Variants in CPVL observed in about 807,000 individuals in gnomAD.
CPVL encodes probable serine carboxypeptidase CPVL.
CPVL carries 51 observed loss-of-function variants against 63.7 expected under a neutral mutation model. That is an observed-to-expected ratio of 0.80 (90% confidence interval 0.64 to 1.01). CPVL has a LOEUF of 1.01. Among genes scored for constraint, CPVL ranks in the 50% least tolerant of loss-of-function variants. CPVL has a pLI of 0.00. For synonymous variants in CPVL, 195 were observed against 206.0 expected (o/e 0.95, Z 0.46); for missense variants, 530 against 573.1 (o/e 0.92, Z 0.77).
intron 1 of CPVL, among the ~76,000 whole-genome samples, chr7:29,129,432 A>AC (rs1790439743): frequency 6.6e-6 from 1 of 151,746 alleles, no homozygotes; most frequent in South Asian, 2.1e-4. Flanking sequence ...GTCTTTGCAG[A>AC]CGTAGTAAGG....
intron 5 of CPVL, among the ~76,000 whole-genome samples, chr7:29,163,763 T>A (rs571783254): frequency 1.1e-3 from 161 of 152,350 alleles, no homozygotes; most frequent in Non-Finnish European, 1.8e-3. Flanking sequence ...CTTGCATTTT[T>A]AAAATTTTTA....
chr7:29,104,533 T>C (rs963478989), intron 3 of CPVL, among the ~76,000 whole-genome samples: 10 of 152,356 alleles, frequency 6.6e-5, no homozygotes, highest in Admixed American at 2.0e-4. Flanking sequence ...CGTACTGGGA[T>C]TATAGGCATG....
intron 1 of CPVL, among the ~76,000 whole-genome samples, chr7:29,189,956 G>T (rs1265668411): frequency 1.3e-5 from 2 of 152,186 alleles, no homozygotes; most frequent in African/African-American, 4.8e-5. Context: ...GCCTCCCTTT[G>T]TCTGCACCCC....
chr7:29,048,955 T>C (rs1789889225), intron 11 of CPVL, among the ~76,000 whole-genome samples: 1 of 151,984 alleles, frequency 6.6e-6, no homozygotes, highest in Non-Finnish European at 1.5e-5. Flanking sequence ...ATTTAAAAGT[T>C]CTTCAAGCTG....
intron 1 of CPVL, chr7:29,193,280 C>T (rs1242716027): frequency 1.3e-5 from 2 of 151,820 alleles, no homozygotes; most frequent in Non-Finnish European, 2.9e-5. Context: ...AAGTTCTAAT[C>T]AACTAGAAAA....
intron 12 of CPVL, among the ~76,000 whole-genome samples, chr7:29,028,202 C>A (rs563479268): frequency 1.6e-4 from 25 of 152,278 alleles, no homozygotes; most frequent in African/African-American, 6.0e-4. Context: ...GGAAAGGACA[C>A]CCTCTTCAAT....
intron 4 of CPVL, 66 bp downstream of exon 4, chr7:29,096,037 G>A (rs1786368570): frequency 2.4e-6 from 3 of 1,248,910 alleles, no homozygotes; most frequent in South Asian, 1.2e-5. Flanking sequence ...CTCTAAATTA[G>A]TTTTGGAGCA....
intron 12 of CPVL, chr7:29,012,907 C>G (rs608019): frequency 0.45 from 68,273 of 152,010 alleles, 17,655 homozygotes; most frequent in African/African-American, 0.72. Flanking sequence ...AGGGTATCTA[C>G]AGAGCAGGTG....
chr7:29,111,014 C>A (rs1043108517), intron 3 of CPVL, among the ~76,000 whole-genome samples: 1 of 152,222 alleles, frequency 6.6e-6, no homozygotes, highest in Non-Finnish European at 1.5e-5. Flanking sequence ...CCCTTAGAGC[C>A]TCCAGAAGTA....
At chr7:29,029,165 T>A (rs916987890) in intron 12 of CPVL, among the ~76,000 whole-genome samples, 1 of 151,952 alleles carries the variant, frequency 6.6e-6, no homozygotes, top group Non-Finnish European at 1.5e-5. Context: ...CAGATGCTGA[T>A]GAGGATGCAG....
At chr7:29,146,312 C>A in intron 1 of CPVL, 117 bp downstream of exon 1, 1 of 419,868 alleles carries the variant, frequency 2.4e-6, no homozygotes, top group Non-Finnish European at 4.2e-6. Flanking sequence ...GCTTTCTCCC[C>A]TGTTGGTGCT....
chr7:29,050,273 G>A (rs1180448914), intron 11 of CPVL, among the ~76,000 whole-genome samples: 1 of 152,052 alleles, frequency 6.6e-6, no homozygotes, highest in Non-Finnish European at 1.5e-5. Context: ...CCTCCAGAAA[G>A]CTCCTAGAAC....
intron 11 of CPVL, among the ~76,000 whole-genome samples, chr7:29,048,062 T>C (rs1584095871): frequency 1.3e-5 from 2 of 151,880 alleles, no homozygotes; most frequent in East Asian, 3.9e-4. Context: ...TTGAAACAAA[T>C]CCTGGAAACA....
intron 5 of CPVL, among the ~76,000 whole-genome samples, chr7:29,155,696 A>T (rs1043743735): frequency 6.6e-6 from 1 of 152,144 alleles, no homozygotes; most frequent in African/African-American, 2.4e-5. Context: ...GTGTTTTTAA[A>T]TCCTGTCCTT....
intron 11 of CPVL, among the ~76,000 whole-genome samples, chr7:29,035,919 C>G (rs1308465012): frequency 6.6e-6 from 1 of 152,182 alleles, no homozygotes; most frequent in South Asian, 2.1e-4. Flanking sequence ...CACTCAAATG[C>G]TCTTTCCCTG....
chr7:29,098,420 AC>A (rs1451201664), intron 3 of CPVL, among the ~76,000 whole-genome samples: 1 of 152,060 alleles, frequency 6.6e-6, no homozygotes, highest in Non-Finnish European at 1.5e-5. Flanking sequence ...GCTGGGGCAC[AC>A]CCCTCCTATG....
intron 7 of CPVL, among the ~76,000 whole-genome samples, chr7:29,080,745 T>C (rs1584201503): frequency 1.5e-5 from 2 of 135,960 alleles, no homozygotes; most frequent in South Asian, 4.3e-4. Context: ...CAATGGGCCA[T>C]GATGATTTCA....
chr7:29,049,204 A>G (rs1789915888), intron 11 of CPVL, among the ~76,000 whole-genome samples: 1 of 152,106 alleles, frequency 6.6e-6, no homozygotes, highest in South Asian at 2.1e-4. Flanking sequence ...GAAACAAGAA[A>G]AAATGCAAAA....
At position 29,101,679 on chromosome 7, in the gene CPVL, T is replaced by C. The variant is rs75013934; in HGVS notation, c.289-5462A>G. 9.0e-4 allele frequency among the ~76,000 whole-genome samples: 137 copies of C among 152,244 alleles called. 2 individuals are homozygous for C. Among genetic ancestry groups the C allele is most frequent in the Non-Finnish European group, 1.6e-3 (107 of 68,016 alleles). On this transcript the variant is annotated intron_variant, in intron 3 of 12. Coordinates refer to ENST00000265394, the MANE Select transcript of CPVL (RefSeq NM_031311.5). Reference sequence around the variant, plus strand: ...ATTCTTAACTAAAGGTTTTTTTTTTTCTTCAGTGAAGGTATTTTTAACAGC... The same window carrying C: ...ATTCTTAACTAAAGGTTTTTTTTTTCCTTCAGTGAAGGTATTTTTAACAGC...
Sources: allele counts gnomAD v4.1 joint callset (sites outside exome capture counted in the v4.1 genomes callset), GRCh38; gene constraint gnomAD v4.1.1; transcripts MANE v1.5; gene names NCBI Gene and HGNC (gene_info 2026-07-23, HGNC 2026-07-21).